CHCHD6: variants seen among roughly 807,000 people sequenced by gnomAD.
CHCHD6 encodes MICOS complex subunit MIC25.
CHCHD6 carries 28 observed loss-of-function variants against 32.3 expected under a neutral mutation model. The observed-to-expected ratio is 0.87, with a 90% CI of 0.64 to 1.19. The LOEUF (loss-of-function observed/expected upper bound fraction) is 1.19, where lower values mean the gene tolerates loss of function less well. CHCHD6 is among the 50% of genes most tolerant of loss of function. CHCHD6 has a pLI of 0.00. For synonymous variants in CHCHD6, 122 were observed against 117.5 expected (o/e 1.04, Z -0.25); for missense variants, 333 against 307.0 (o/e 1.08, Z -0.63).
intron 5 of CHCHD6, among the ~76,000 whole-genome samples, chr3:126,868,195 T>C (rs1276631597): frequency 2.0e-5 from 3 of 152,236 alleles, no homozygotes; most frequent in Non-Finnish European, 4.4e-5. Context: ...GCTCAGGTCC[T>C]GGTCAACACC....
intron 4 of CHCHD6, among the ~76,000 whole-genome samples, chr3:126,759,951 G>A (rs1200295836): frequency 6.6e-6 from 1 of 152,124 alleles, no homozygotes; most frequent in African/African-American, 2.4e-5. Context: ...ACTCATGGTG[G>A]GAAGGCAAAG....
intron 5 of CHCHD6, among the ~76,000 whole-genome samples, chr3:126,913,047 G>A (rs988288211): frequency 6.6e-6 from 1 of 152,102 alleles, no homozygotes; most frequent in Admixed American, 6.6e-5. Flanking sequence ...CCAAGTTGAA[G>A]TCCTACAAAT....
At chr3:126,881,873 T>G (rs1559901068) in intron 5 of CHCHD6, among the ~76,000 whole-genome samples, 1 of 152,222 alleles carries the variant, frequency 6.6e-6, no homozygotes, top group Non-Finnish European at 1.5e-5. Context: ...CAGGCTGCCC[T>G]GGCAGGTGGC....
chr3:126,805,505 G>A lies in CHCHD6; in HGVS notation c.412-47142G>A, dbSNP rs536179191. ...AATCCAACTTACAAGGGATGTGAAG[G>A]ACCTCTTCAAGGAGAACTACAAACC... is the stretch of plus-strand genomic sequence containing the variant. On this transcript the variant is annotated intron_variant, in intron 4 of 7. Transcript: ENST00000290913. 8.2e-4 allele frequency among the ~76,000 whole-genome samples: 125 copies of A among 152,090 alleles called. 1 individual carries two copies. The highest frequency in any genetic ancestry group is 3.0e-3 in the African/African-American group (125 of 41,472).
intron 4 of CHCHD6, among the ~76,000 whole-genome samples, chr3:126,777,744 G>C (rs768347089): frequency 6.6e-6 from 1 of 152,202 alleles, no homozygotes; most frequent in Non-Finnish European, 1.5e-5. Context: ...AAAGCTTAAA[G>C]AAAACTGGTT....
At chr3:126,756,073 G>T (rs1021640205) in intron 4 of CHCHD6, among the ~76,000 whole-genome samples, 4 of 152,158 alleles carry the variant, frequency 2.6e-5, no homozygotes, top group Admixed American at 2.0e-4. Flanking sequence ...GCAGCAGCTG[G>T]TCTGTCTGTA....
intron 5 of CHCHD6, among the ~76,000 whole-genome samples, chr3:126,903,477 T>G (rs1331976167): frequency 2.0e-5 from 3 of 152,224 alleles, no homozygotes; most frequent in Non-Finnish European, 4.4e-5. Flanking sequence ...ACAATCTTAT[T>G]CAGGGGTCAG....
intron 4 of CHCHD6, among the ~76,000 whole-genome samples, chr3:126,821,013 G>A (rs1440820644): frequency 1.3e-5 from 2 of 152,118 alleles, no homozygotes; most frequent in Non-Finnish European, 2.9e-5. Flanking sequence ...AAGCATTGCT[G>A]TATTTTCTGT....
intron 4 of CHCHD6, among the ~76,000 whole-genome samples, chr3:126,786,412 T>C (rs537304090): frequency 3.6e-4 from 55 of 152,278 alleles, no homozygotes; most frequent in Middle Eastern, 6.8e-3. Flanking sequence ...CACTGACTTC[T>C]ACAATGGTTG....
chr3:126,924,301 G>T (rs1005336395), intron 6 of CHCHD6, among the ~76,000 whole-genome samples: 1 of 152,132 alleles, frequency 6.6e-6, no homozygotes, highest in African/African-American at 2.4e-5. Context: ...TGTTCCTGAC[G>T]GGAGATAATA....
chr3:126,824,959 C>A (rs1576461332), intron 4 of CHCHD6, among the ~76,000 whole-genome samples: 1 of 152,062 alleles, frequency 6.6e-6, no homozygotes, highest in African/African-American at 2.4e-5. Context: ...GTCTTCTATT[C>A]TCTTTGGCAT....
rs141210849 is a variant in CHCHD6, at chr3:126,711,267, T to C, written c.87+6868T>C. On this transcript the variant is annotated intron_variant, in intron 1 of 7. Transcript: ENST00000290913. ...TCCTTCTCTAGCCAAGCTGGCGATC[T>C]TGTGGCAGCTGTGCATGAGAATCTT... Among the ~76,000 whole-genome samples, 76 of 152,338 alleles carry C rather than the reference T, an allele frequency of 5.0e-4. 1 individual carries two copies. Among genetic ancestry groups the C allele is most frequent in the African/African-American group, 1.8e-3 (75 of 41,564 alleles).
chr3:126,739,181 C>G (rs1038434874), intron 4 of CHCHD6, among the ~76,000 whole-genome samples: 2 of 152,248 alleles, frequency 1.3e-5, no homozygotes, highest in Non-Finnish European at 2.9e-5. Context: ...TCATGACATC[C>G]ATAGCCCCTT....
chr3:126,780,820 T>C (rs541789673), intron 4 of CHCHD6, among the ~76,000 whole-genome samples: 3 of 152,226 alleles, frequency 2.0e-5, no homozygotes, highest in Non-Finnish European at 4.4e-5. Flanking sequence ...CCATGTATTA[T>C]CTTCCTGCAC....
At chr3:126,724,654 C>T (rs886767079) in intron 1 of CHCHD6, among the ~76,000 whole-genome samples, 3 of 152,156 alleles carry the variant, frequency 2.0e-5, no homozygotes, top group Non-Finnish European at 4.4e-5. Context: ...CTGTAGCATA[C>T]GATGCTGTTT....
At chr3:126,894,022 A>G (rs2077802689) in intron 5 of CHCHD6, among the ~76,000 whole-genome samples, 1 of 152,264 alleles carries the variant, frequency 6.6e-6, no homozygotes, top group Non-Finnish European at 1.5e-5. Context: ...CAGAAGAGCC[A>G]GTTAGGAAGC....
At chr3:126,727,306 A>G in intron 2 of CHCHD6, 120 bp downstream of exon 2, 1 of 593,840 alleles carries the variant, frequency 1.7e-6, no homozygotes, top group East Asian at 2.8e-5. Flanking sequence ...GACGTTAAGC[A>G]GCTCTGTCTG....
intron 1 of CHCHD6, among the ~76,000 whole-genome samples, chr3:126,718,570 G>T (rs1445941242): frequency 1.3e-5 from 2 of 152,252 alleles, no homozygotes; most frequent in Non-Finnish European, 2.9e-5. Flanking sequence ...AGCCAGGCCA[G>T]CCTTGAGGGA....
chr3:126,735,729 CT>C (rs1168330001), intron 4 of CHCHD6, among the ~76,000 whole-genome samples: 1 of 152,196 alleles, frequency 6.6e-6, no homozygotes, highest in Non-Finnish European at 1.5e-5. Flanking sequence ...GAGGTTATAT[CT>C]TTTGCCATCT....
Sources: allele counts gnomAD v4.1 joint callset (sites outside exome capture counted in the v4.1 genomes callset), GRCh38; gene constraint gnomAD v4.1.1; transcripts MANE v1.5; gene names NCBI Gene and HGNC (gene_info 2026-07-23, HGNC 2026-07-21).